Variants in WWOX observed in about 807,000 individuals in gnomAD.
The protein encoded by WWOX is WW domain-containing oxidoreductase.
A neutral mutation model predicts 46.2 loss-of-function variants in WWOX; 69 were observed. That is an observed-to-expected ratio of 1.49 (90% CI 1.23 to 1.82). WWOX has a LOEUF of 1.82. Among genes scored for constraint, WWOX ranks in the 40% most tolerant of loss-of-function variants. The probability of loss-of-function intolerance (pLI) is 0.00; values close to 1 mark genes in which losing one functional copy is unlikely to be tolerated. For synonymous variants in WWOX, 359 were observed against 202.6 expected (o/e 1.77, Z -6.56); for missense variants, 919 against 542.6 (o/e 1.69, Z -6.89).
chr16:78,403,156 T>A (rs1468580044), intron 6 of WWOX, among the ~76,000 whole-genome samples: 1 of 152,242 alleles, frequency 6.6e-6, no homozygotes, highest in Admixed American at 6.5e-5. Flanking sequence ...ATGTTTTATT[T>A]TTTGAGTGAC....
chr16:78,585,839 A>G (rs1202124174), intron 8 of WWOX, among the ~76,000 whole-genome samples: 1 of 151,332 alleles, frequency 6.6e-6, no homozygotes, highest in Non-Finnish European at 1.5e-5. Flanking sequence ...TTTATATTAG[A>G]ACTCACCTTC....
intron 8 of WWOX, among the ~76,000 whole-genome samples, chr16:78,745,681 T>C (rs1413588311): frequency 1.3e-5 from 2 of 151,928 alleles, no homozygotes; most frequent in African/African-American, 4.8e-5. Flanking sequence ...TAAATTTTCA[T>C]AGACATCCAC....
chr16:78,384,180 G>A (rs79542792), intron 5 of WWOX, among the ~76,000 whole-genome samples: 2 of 152,284 alleles, frequency 1.3e-5, no homozygotes, highest in East Asian at 3.9e-4. Context: ...GGGCTTGGCT[G>A]AGCAGAGCAA....
intron 5 of WWOX, among the ~76,000 whole-genome samples, chr16:78,381,175 G>A (rs1489332541): frequency 1.3e-5 from 2 of 152,032 alleles, no homozygotes; most frequent in Admixed American, 6.6e-5. Flanking sequence ...TCCCCATATG[G>A]TTTCTTTGGT....
At chr16:78,789,888 A>G (rs965369375) in intron 8 of WWOX, among the ~76,000 whole-genome samples, 2 of 152,180 alleles carry the variant, frequency 1.3e-5, no homozygotes, top group African/African-American at 4.8e-5. Context: ...GGGCTTCCAA[A>G]TCAGACAGTT....
At chr16:78,644,845 G>A (rs975122234) in intron 8 of WWOX, among the ~76,000 whole-genome samples, 11 of 152,184 alleles carry the variant, frequency 7.2e-5, no homozygotes, top group African/African-American at 2.2e-4. Flanking sequence ...AGGTACAGCA[G>A]GAGAGCATGT....
intron 5 of WWOX, among the ~76,000 whole-genome samples, chr16:78,314,716 T>TTTG: frequency 7.2e-6 from 1 of 139,342 alleles, no homozygotes; most frequent in African/African-American, 2.9e-5. Flanking sequence ...TTTTTTTTTT[T>TTTG]TTTTTCTGTA....
chr16:78,695,680 A>T (rs753283686), intron 8 of WWOX, among the ~76,000 whole-genome samples: 2 of 152,230 alleles, frequency 1.3e-5, no homozygotes, highest in Non-Finnish European at 2.9e-5. Flanking sequence ...CAGAGGGGCA[A>T]TGCAGGAATG....
intron 8 of WWOX, among the ~76,000 whole-genome samples, chr16:78,858,292 C>T (rs180676026): frequency 2.0e-5 from 3 of 146,766 alleles, no homozygotes; most frequent in Admixed American, 1.4e-4. Context: ...CCCATCTGAG[C>T]AGCATATGCT....
intron 8 of WWOX, among the ~76,000 whole-genome samples, chr16:78,962,421 A>G (rs1354932158): frequency 6.7e-6 from 1 of 148,308 alleles, no homozygotes; most frequent in Admixed American, 7.0e-5. Flanking sequence ...AGTTTTACAC[A>G]TTCATAATTT....
Position 78,115,096 on chromosome 16 carries a change from C to G in WWOX, c.351C>G (p.Leu117=), listed in dbSNP as rs34944716. ...YDGSTTAMEI[L]QGRDFTGKVV... ...GCAGCACCACTGCCATGGAAATTCT[C>G]CAGGGCCGGGATTTCACTGGCAAAG... The change falls in exon 4 of 9, where the codon CTC becomes CTG. Residue 117 remains leucine, a synonymous_variant. Coordinates refer to ENST00000566780, the MANE Select transcript of WWOX (RefSeq NM_016373.4). The G allele has an allele frequency of 2.0e-3, 3,300 of 1,614,146 alleles. 65 individuals are homozygous for G. In the African/African-American group the frequency reaches 0.037, roughly 18 times the overall value.
At chr16:78,167,022 C>G (rs1052320985) in intron 5 of WWOX, 2 of 152,176 alleles carry the variant, frequency 1.3e-5, no homozygotes, top group African/African-American at 4.8e-5. Flanking sequence ...AGGTAAAATT[C>G]CAGGGACGCT....
chr16:79,048,837 C>T (rs112710886), intron 8 of WWOX, among the ~76,000 whole-genome samples: 13 of 152,230 alleles, frequency 8.5e-5, no homozygotes, highest in African/African-American at 3.1e-4. Context: ...TGTAGCTGCC[C>T]TGATGTTCCG....
At chr16:79,126,472 G>A (rs576979345) in intron 8 of WWOX, among the ~76,000 whole-genome samples, 1 of 152,094 alleles carries the variant, frequency 6.6e-6, no homozygotes, top group Non-Finnish European at 1.5e-5. Context: ...TGATGGCTTT[G>A]TAAGTGTTTG....
chr16:78,360,283 C>G (rs1022329615), intron 5 of WWOX, among the ~76,000 whole-genome samples: 5 of 152,078 alleles, frequency 3.3e-5, no homozygotes, highest in African/African-American at 4.8e-5. Context: ...ATTTTAGACT[C>G]ACATAGAAGT....
intron 8 of WWOX, among the ~76,000 whole-genome samples, chr16:79,028,033 G>T (rs954644790): frequency 6.6e-6 from 1 of 151,718 alleles, no homozygotes; most frequent in African/African-American, 2.4e-5. Flanking sequence ...CTCACTGCCA[G>T]CTCTGCCTCC....
chr16:78,861,078 C>A (rs2043874267), intron 8 of WWOX, among the ~76,000 whole-genome samples: 1 of 152,102 alleles, frequency 6.6e-6, no homozygotes, highest in Admixed American at 6.6e-5. Context: ...CCTTGGCCTC[C>A]CAAAGTGTTG....
At chr16:78,168,718 C>A (rs867862493) in intron 5 of WWOX, among the ~76,000 whole-genome samples, 1 of 152,190 alleles carries the variant, frequency 6.6e-6, no homozygotes, top group South Asian at 2.1e-4. Context: ...CCACTCTGAT[C>A]TACCCTGTCG....
chr16:78,334,833 T>TACACACACACACACAC (rs907694061), intron 5 of WWOX, among the ~76,000 whole-genome samples: 4 of 104,454 alleles, frequency 3.8e-5, no homozygotes, highest in Admixed American at 1.1e-4. Flanking sequence ...CACACACACA[T>TACACACACACACACAC]ACACACACAC....
Sources: allele counts gnomAD v4.1 joint callset (sites outside exome capture counted in the v4.1 genomes callset), GRCh38; gene constraint gnomAD v4.1.1; transcripts MANE v1.5; gene names NCBI Gene and HGNC (gene_info 2026-07-23, HGNC 2026-07-21).